ZNF608: variants seen among roughly 807,000 people sequenced by gnomAD.
The protein encoded by ZNF608 is zinc finger protein 608.
A neutral mutation model predicts 109.0 loss-of-function variants in ZNF608; 12 were observed. The observed-to-expected ratio is 0.11, with a 90% CI of 0.07 to 0.18. The LOEUF is 0.18. Ranked by LOEUF, ZNF608 falls within the 10% of genes least tolerant of loss-of-function variation. The pLI, the probability that ZNF608 is intolerant of heterozygous loss-of-function variation, is 1.00. For missense variants in ZNF608, 1,707 were observed against 1,879.3 expected (o/e 0.91, Z 1.70); for synonymous variants, 732 against 717.4 (o/e 1.02, Z -0.33).
chr5:124,721,120 A>T (rs1205682474), intron 2 of ZNF608, among the ~76,000 whole-genome samples: 1 of 152,188 alleles, frequency 6.6e-6, no homozygotes, highest in Non-Finnish European at 1.5e-5. Flanking sequence ...AAAACTCAAT[A>T]GGCATGCTCT....
At chr5:124,658,696 T>TCTCCTTCTCTTC (rs1173914193) in intron 3 of ZNF608, among the ~76,000 whole-genome samples, 1 of 152,170 alleles carries the variant, frequency 6.6e-6, no homozygotes, top group African/African-American at 2.4e-5. Context: ...CAGAATGCTT[T>TCTCCTTCTCTTC]CTCCTTCTCT....
rs147270417 is a variant in ZNF608, at chr5:124,638,592, T to A, written c.4532+541A>T. ...TTTGGCACTGTAAACCAGAAAACCA[T>A]AAGACCGATAGTCTTATTTTAATTC... On this transcript the variant is annotated intron_variant, in intron 9 of 9. Transcript: ENST00000513986. Among the ~76,000 whole-genome samples the A allele has an allele frequency of 5.0e-3, 769 of 152,328 alleles. 8 individuals are homozygous for A. The highest frequency in any genetic ancestry group is 0.018 in the African/African-American group (734 of 41,582).
At chr5:124,652,515 C>T (rs1352346353) in intron 3 of ZNF608, among the ~76,000 whole-genome samples, 2 of 152,328 alleles carry the variant, frequency 1.3e-5, no homozygotes, top group East Asian at 3.9e-4. Flanking sequence ...GTGTTTAAAT[C>T]TGCCCACAAT....
chr5:124,644,402 C>G lies in ZNF608; in HGVS notation c.3965G>C (p.Trp1322Ser), dbSNP rs770097394. ...CACTCTTGTTCCCCGAGAGTCCTTC[C>G]AGTTCACAGGAGTCTTTCGATCATC... ...KNDDRKTPVN[W>S]KDSRGTRVAV... The change falls in exon 6 of 10, where the codon TGG (tryptophan) becomes TCG (serine). Residue 1322 changes from tryptophan (W) to serine (S), a missense_variant. Trp to Ser is a radical substitution (Grantham distance 177). Transcript: ENST00000513986. The G allele has an allele frequency of 3.1e-6, 5 of 1,614,116 alleles. No individual in the cohort carries two copies. The highest frequency in any genetic ancestry group is 4.2e-6 in the Non-Finnish European group (5 of 1,180,026).
chr5:124,668,532 GAACAGAGCCAAA>G (rs1284849577), intron 3 of ZNF608, among the ~76,000 whole-genome samples: 1 of 151,990 alleles, frequency 6.6e-6, no homozygotes, highest in Non-Finnish European at 1.5e-5. Flanking sequence ...AAACTAATTG[GAACAGAGCCAAA>G]AACAGAGCCC....
chr5:124,715,791 G>A (rs1753663920), intron 2 of ZNF608, among the ~76,000 whole-genome samples: 1 of 151,774 alleles, frequency 6.6e-6, no homozygotes, highest in South Asian at 2.1e-4. Context: ...CATATCTTAC[G>A]TAATGAAAAC....
intron 3 of ZNF608, among the ~76,000 whole-genome samples, chr5:124,651,825 C>A (rs1188842537): frequency 6.6e-6 from 1 of 152,188 alleles, no homozygotes; most frequent in Non-Finnish European, 1.5e-5. Context: ...TAGAGGTGAG[C>A]GTGGCGGAGG....
intron 6 of ZNF608, among the ~76,000 whole-genome samples, 156 bp from the exon 7 acceptor site, chr5:124,643,839 C>G (rs1750363759): frequency 6.6e-6 from 1 of 152,212 alleles, no homozygotes; most frequent in African/African-American, 2.4e-5. Context: ...TGTCTAGCTT[C>G]TCCAATTTTC....
At chr5:124,706,123 A>G (rs544091194) in intron 2 of ZNF608, among the ~76,000 whole-genome samples, 1 of 152,340 alleles carries the variant, frequency 6.6e-6, no homozygotes, top group South Asian at 2.1e-4. Context: ...CCTGAGAGCA[A>G]AAAGTAGCGT....
upstream of ZNF608, chr5:124,746,854 G>T: frequency 2.2e-6 from 2 of 894,662 alleles, no homozygotes; most frequent in African/African-American, 3.7e-5. Context: ...GAGAAACTGG[G>T]CAAGAGGAGA....
intron 3 of ZNF608, among the ~76,000 whole-genome samples, chr5:124,672,926 A>G (rs1201012933): frequency 6.6e-6 from 1 of 152,228 alleles, no homozygotes; most frequent in African/African-American, 2.4e-5. Flanking sequence ...GCTTGTAGTG[A>G]GTATGAGGTG....
intron 6 of ZNF608, 44 bp from the exon 7 acceptor site, chr5:124,643,727 C>G (rs1750358492): frequency 8.2e-6 from 13 of 1,587,276 alleles, no homozygotes; most frequent in Non-Finnish European, 1.1e-5. Flanking sequence ...CAGGCTATAT[C>G]TTTAAAAAAA....
intron 2 of ZNF608, among the ~76,000 whole-genome samples, chr5:124,715,870 G>A (rs1270433227): frequency 2.0e-5 from 3 of 152,130 alleles, no homozygotes; most frequent in Middle Eastern, 3.4e-3. Context: ...TAGGCCGGGC[G>A]CGGTGGCTCA....
intron 2 of ZNF608, among the ~76,000 whole-genome samples, chr5:124,713,566 T>C (rs1230561716): frequency 1.3e-5 from 2 of 152,254 alleles, no homozygotes; most frequent in Non-Finnish European, 2.9e-5. Flanking sequence ...CATTGGATTT[T>C]AAATTTTGTC....
At chr5:124,650,837 ACCATTG>A (rs1750742505) in intron 3 of ZNF608, among the ~76,000 whole-genome samples, 1 of 152,230 alleles carries the variant, frequency 6.6e-6, no homozygotes, top group African/African-American at 2.4e-5. Context: ...CACTTGCATT[ACCATTG>A]CCATTGTGAA....
At chr5:124,723,324 T>C (rs1021535902) in intron 2 of ZNF608, among the ~76,000 whole-genome samples, 5 of 152,190 alleles carry the variant, frequency 3.3e-5, no homozygotes, top group Non-Finnish European at 7.3e-5. Context: ...AGATTTATAA[T>C]TCATTGCCTT....
chr5:124,747,239 TC>T (rs972553716), upstream of ZNF608, among the ~76,000 whole-genome samples: 3 of 151,110 alleles, frequency 2.0e-5, no homozygotes, highest in African/African-American at 7.3e-5. Context: ...ACGGTGTGTC[TC>T]CCTTTTATTT....
upstream of ZNF608, among the ~76,000 whole-genome samples, chr5:124,748,056 T>G (rs988750316): frequency 6.6e-6 from 1 of 152,168 alleles, no homozygotes; most frequent in Non-Finnish European, 1.5e-5. Context: ...CGAATGGTAA[T>G]TATAACCATT....
chr5:124,737,412 G>C (rs1749201199), intron 2 of ZNF608, among the ~76,000 whole-genome samples: 1 of 152,192 alleles, frequency 6.6e-6, no homozygotes, highest in Non-Finnish European at 1.5e-5. Context: ...TGAGAAAGAA[G>C]AGTAAGTGGC....
Sources: allele counts gnomAD v4.1 joint callset (sites outside exome capture counted in the v4.1 genomes callset), GRCh38; gene constraint gnomAD v4.1.1; transcripts MANE v1.5; gene names NCBI Gene and HGNC (gene_info 2026-07-23, HGNC 2026-07-21).